ZCCHC2: variants seen among roughly 807,000 people sequenced by gnomAD.
ZCCHC2 encodes zinc finger CCHC domain-containing protein 2.
ZCCHC2 carries 39 observed loss-of-function variants against 103.6 expected under a neutral mutation model. The observed-to-expected ratio is 0.38, with a 90% CI of 0.29 to 0.49. ZCCHC2 has a LOEUF of 0.49. Among genes scored for constraint, ZCCHC2 ranks in the 20% least tolerant of loss-of-function variants. ZCCHC2 has a pLI of 0.96. For synonymous variants in ZCCHC2, 687 were observed against 608.9 expected, an observed-to-expected ratio of 1.13 and a Z score of -1.89; for missense variants, 1,483 against 1,491.0, an observed-to-expected ratio of 0.99 and a Z score of 0.09.
intron 1 of ZCCHC2, among the ~76,000 whole-genome samples, chr18:62,535,443 A>G (rs1051377564): frequency 7.2e-5 from 11 of 152,218 alleles, no homozygotes; most frequent in African/African-American, 2.7e-4. Flanking sequence ...GGTGTAAAAC[A>G]ATGACCATTT....
intron 5 of ZCCHC2, among the ~76,000 whole-genome samples, chr18:62,552,928 TA>T (rs1915727903): frequency 6.6e-6 from 1 of 152,092 alleles, no homozygotes; most frequent in African/African-American, 2.4e-5. Context: ...GACTCCTTGT[TA>T]AAGCTTTTAG....
chr18:62,530,826 C>T (rs984076717), intron 1 of ZCCHC2, among the ~76,000 whole-genome samples: 3 of 152,152 alleles, frequency 2.0e-5, no homozygotes, highest in East Asian at 1.9e-4. Context: ...TATTAATTAT[C>T]GTGCAGTTGT....
At chr18:62,531,524 A>G (rs1914671281) in intron 1 of ZCCHC2, among the ~76,000 whole-genome samples, 1 of 152,198 alleles carries the variant, frequency 6.6e-6, no homozygotes, top group African/African-American at 2.4e-5. Flanking sequence ...TATCATTCCT[A>G]TCTGTTTCCT....
downstream of ZCCHC2, among the ~76,000 whole-genome samples, chr18:62,579,850 G>C (rs1598972382): frequency 6.6e-6 from 1 of 151,994 alleles, no homozygotes; most frequent in East Asian, 1.9e-4. Flanking sequence ...AGCCTCTCAA[G>C]TAGCTGGGAT....
chr18:62,544,650 T>C lies in ZCCHC2; in HGVS notation c.1129-152T>C, dbSNP rs570176706. Among the ~76,000 whole-genome samples, 43 of 152,368 alleles carry C rather than the reference T, an allele frequency of 2.8e-4. 1 individual carries two copies. The South Asian group carries it at 8.7e-3, about 31-fold the overall frequency. On this transcript the variant is annotated intron_variant, in intron 3 of 13. Transcript: ENST00000269499. ...AATGTGCAGTTAATTTTACTAATTT[T>C]GAAATTATGACAATGCCAGATTAAC...
intron 3 of ZCCHC2, among the ~76,000 whole-genome samples, chr18:62,543,515 C>T (rs1197635188): frequency 5.3e-5 from 8 of 152,148 alleles, no homozygotes; most frequent in East Asian, 1.9e-4. Flanking sequence ...GCATGCGTCT[C>T]GCTCTTTACT....
At chr18:62,535,281 C>G (rs1405838137) in intron 1 of ZCCHC2, among the ~76,000 whole-genome samples, 1 of 152,210 alleles carries the variant, frequency 6.6e-6, no homozygotes, top group African/African-American at 2.4e-5. Flanking sequence ...AGGGATATAG[C>G]AATTTCTGGA....
intron 12 of ZCCHC2, among the ~76,000 whole-genome samples, chr18:62,571,022 C>CT (rs1219372186): frequency 2.0e-5 from 3 of 152,190 alleles, no homozygotes; most frequent in African/African-American, 7.2e-5. Context: ...TATATTAAAG[C>CT]TTTTCAAAGC....
intron 6 of ZCCHC2, among the ~76,000 whole-genome samples, chr18:62,557,694 C>T (rs567643141): frequency 6.6e-6 from 1 of 152,282 alleles, no homozygotes; most frequent in East Asian, 1.9e-4. Flanking sequence ...GTATCAATAG[C>T]ATCAGTTTAG....
chr18:62,546,046 C>T (rs1915392517), intron 4 of ZCCHC2, among the ~76,000 whole-genome samples: 1 of 152,204 alleles, frequency 6.6e-6, no homozygotes, highest in Non-Finnish European at 1.5e-5. Flanking sequence ...AAATTAGGCT[C>T]TGTCAGTTAA....
At chr18:62,545,113 C>T (rs1432442268) in intron 4 of ZCCHC2, among the ~76,000 whole-genome samples, 7 of 152,106 alleles carry the variant, frequency 4.6e-5, no homozygotes, top group South Asian at 2.1e-4. Flanking sequence ...AGACCGGGTG[C>T]GGTGGTGTGC....
At chr18:62,528,861 T>TA (rs1357889775) in intron 1 of ZCCHC2, among the ~76,000 whole-genome samples, 1 of 152,110 alleles carries the variant, frequency 6.6e-6, no homozygotes, top group African/African-American at 2.4e-5. Flanking sequence ...TAGCAGGCAC[T>TA]AAAAAAGATG....
rs200415604 is a variant in ZCCHC2, at chr18:62,575,309, T to G, written c.3228T>G (p.Pro1076=). The change falls in exon 13 of 14, where the codon CCT becomes CCG. Residue 1076 remains proline (P), a synonymous_variant. Coordinates refer to ENST00000269499, the MANE Select transcript of ZCCHC2 (RefSeq NM_017742.6). ...SNGNQLPFFL[P]QTPYANGLVH... ...GAAACCAACTTCCTTTTTTTCTGCC[T>G]CAGACTCCATATGCAAATGGACTGG... is the stretch of plus-strand genomic sequence containing the variant. 10 of 1,613,936 alleles carry G rather than the reference T, an allele frequency of 6.2e-6. No homozygotes were observed. In the Admixed American group the frequency reaches 1.5e-4, roughly 24 times the overall value.
intron 1 of ZCCHC2, among the ~76,000 whole-genome samples, chr18:62,532,154 A>G (rs1003401495): frequency 2.6e-5 from 4 of 152,258 alleles, no homozygotes; most frequent in Admixed American, 2.6e-4. Context: ...CTTATGGTGT[A>G]TATCTCATTG....
In ZCCHC2 at chr18:62,542,501, T is replaced by A; in HGVS notation, c.1055T>A (p.Val352Glu). ...VAPHRAQREA[V>E]HIEKIMLKGV... ...CCGTGTGTTTTTTTTCTTTCAGCTG[T>A]ACACATTGAGAAGATAATGTTGAAA... Residue 352 changes from valine to glutamate, a missense_variant, in exon 3 of 14, where the codon GTA becomes GAA. Physicochemically the swap from Val to Glu is moderately radical, Grantham distance 121 (BLOSUM62 -2). Coordinates refer to ENST00000269499, the MANE Select transcript of ZCCHC2 (RefSeq NM_017742.6). 1 of 1,559,756 alleles carries A rather than the reference T, an allele frequency of 6.4e-7. No individual in the cohort carries two copies.
chr18:62,531,265 T>C (rs1914660346), intron 1 of ZCCHC2, among the ~76,000 whole-genome samples: 1 of 152,146 alleles, frequency 6.6e-6, no homozygotes, highest in Non-Finnish European at 1.5e-5. Context: ...AAAAAGGAAG[T>C]GCCTAATCGG....
At chr18:62,582,247 A>T (rs949349707), downstream of ZCCHC2, among the ~76,000 whole-genome samples, 13 of 152,260 alleles carry the variant, frequency 8.5e-5, no homozygotes, top group African/African-American at 7.2e-5. Flanking sequence ...CGGGTTAGGC[A>T]TGGCCAGGAG....
chr18:62,558,650 T>C, intron 6 of ZCCHC2, 37 bp from the exon 7 acceptor site: 1 of 1,225,618 alleles, frequency 8.2e-7, no homozygotes, highest in Non-Finnish European at 1.1e-6. Context: ...TATTTTAATT[T>C]TCCTAAAAAG....
chr18:62,555,706 G>A (rs959347332), intron 5 of ZCCHC2, among the ~76,000 whole-genome samples: 5 of 152,198 alleles, frequency 3.3e-5, no homozygotes, highest in African/African-American at 1.2e-4. Context: ...TACTCGGGAT[G>A]CTGAGACAGG....
Sources: gnomAD v4.1 joint callset for allele counts (sites outside exome capture counted in the v4.1 genomes callset) on GRCh38, gnomAD v4.1.1 for gene constraint, MANE v1.5 for transcripts, NCBI Gene and HGNC (gene_info 2026-07-23, HGNC 2026-07-21) for gene names.